Variants in STK26 observed in about 807,000 individuals in gnomAD.
The protein encoded by STK26 is serine/threonine kinase 26.
Under a neutral mutation model 34.7 loss-of-function variants are expected in STK26, and 14 were observed. That is an observed-to-expected ratio of 0.40 (90% CI 0.27 to 0.63). The LOEUF (loss-of-function observed/expected upper bound fraction) is 0.63, where lower values mean the gene tolerates loss of function less well. STK26 is among the 30% of genes least tolerant of loss of function. The pLI, the probability that STK26 is intolerant of heterozygous loss-of-function variation, is 0.38. For synonymous variants in STK26, 100 were observed against 109.8 expected (o/e 0.91, Z 0.56); for missense variants, 226 against 309.1 (o/e 0.73, Z 2.02).
intron 2 of STK26, among the ~76,000 whole-genome samples, chrX:132,025,273 T>C (rs1216274754): frequency 2.7e-5 from 3 of 111,884 alleles, no homozygotes; most frequent in Non-Finnish European, 5.6e-5. Flanking sequence ...TCTCGCTCCA[T>C]TGTGTGCGCG....
chrX:132,026,509 A>G (rs777337722), intron 2 of STK26, among the ~76,000 whole-genome samples: 2 of 111,899 alleles, frequency 1.8e-5, no homozygotes, highest in South Asian at 7.3e-4. Flanking sequence ...TTAAAAAAAA[A>G]CCAATAAACC....
At chrX:132,033,717 T>A (rs1254520504) in intron 2 of STK26, among the ~76,000 whole-genome samples, 1 of 111,804 alleles carries the variant, frequency 8.9e-6, no homozygotes, top group East Asian at 2.8e-4. Flanking sequence ...GCAGCAAAGT[T>A]TGGAAGGCCT....
chrX:132,072,448 G>T, intron 9 of STK26, 87 bp downstream of exon 9: 1 of 768,250 alleles, frequency 1.3e-6, no homozygotes, highest in African/African-American at 2.1e-5. Context: ...TGTTAGGATT[G>T]AATACCCCTA....
chrX:132,043,613 G>A (rs1156893652), intron 2 of STK26, among the ~76,000 whole-genome samples: 3 of 111,483 alleles, frequency 2.7e-5, no homozygotes, highest in East Asian at 5.6e-4. Context: ...TGGTTGAATT[G>A]TGTATTTCTA....
Position 132,069,610 on chromosome X carries a change from A to T in STK26, c.730A>T (p.Thr244Ser). 1 of 1,168,823 alleles carries T rather than the reference A, an allele frequency of 8.6e-7. No homozygotes were observed. Among genetic ancestry groups the T allele is most frequent in the Non-Finnish European group, 1.1e-6 (1 of 875,101 alleles). ...TCCTCCAACTCTTGTTGGAGACTTTACTAAGTCTTTTAAGGAGTTTATTGA... is the reference window on the plus strand; with the variant it reads ...TCCTCCAACTCTTGTTGGAGACTTTTCTAAGTCTTTTAAGGAGTTTATTGA... ...NNPPTLVGDF[T>S]KSFKEFIDAC... Residue 244 changes from threonine to serine, a missense_variant, in exon 7 of 12, where the codon ACT becomes TCT. Around this residue, in one of 2 missense-constraint regions of STK26, gnomAD observed 126 missense variants for 132.4 expected, o/e 0.95. Transcript: ENST00000394334.
At chrX:132,030,210 A>G (rs1413229558) in intron 2 of STK26, among the ~76,000 whole-genome samples, 1 of 111,865 alleles carries the variant, frequency 8.9e-6, no homozygotes, top group East Asian at 2.8e-4. Context: ...TGAAGCTTTC[A>G]TTCTCTTGTC....
intron 3 of STK26, among the ~76,000 whole-genome samples, chrX:132,059,447 A>G (rs1342035960): frequency 1.8e-5 from 2 of 112,278 alleles, no homozygotes; most frequent in Non-Finnish European, 3.8e-5. Context: ...AGCTCACTGT[A>G]TAACTTCATT....
chrX:132,069,722 A>AAGGC, intron 7 of STK26, 59 bp downstream of exon 7: 1 of 817,179 alleles, frequency 1.2e-6, no homozygotes, highest in African/African-American at 2.1e-5. Flanking sequence ...ACTTATAGCA[A>AAGGC]AGGCAGCTTT....
Position 132,023,330 on chromosome X carries a change from C to T in STK26, c.-188C>T, listed in dbSNP as rs1332154754. 2 of 486,528 alleles carry T rather than the reference C, an allele frequency of 4.1e-6. No homozygotes were observed. The highest frequency in any genetic ancestry group is 4.1e-5 in the East Asian group (1 of 24,546). 40.1% of individuals were successfully genotyped at this position (486,528 alleles called of 1,213,427 possible). A position where few individuals can be genotyped will look rare whatever the true frequency, so the allele number is the denominator to read the frequency against. Reference sequence around the variant, plus strand: ...ACTCGAGCCCAGGTCCCAGCCACCACCACTCACAGCGCTCGGCGTTCAGGA... The same window carrying T: ...ACTCGAGCCCAGGTCCCAGCCACCATCACTCACAGCGCTCGGCGTTCAGGA... On this transcript the variant is annotated 5_prime_UTR_variant, in exon 1 of 12. Transcript: ENST00000394334.
chrX:132,053,887 A>G (rs1028400190), intron 2 of STK26, among the ~76,000 whole-genome samples: 5 of 112,320 alleles, frequency 4.5e-5, no homozygotes, highest in East Asian at 2.8e-4. Context: ...TTATAAATCT[A>G]CGTCATGCCT....
At chrX:132,058,243 C>CGTGTGTGTGTATGTGTGTGTGTGT (rs1357271562) in intron 3 of STK26, among the ~76,000 whole-genome samples, 1 of 102,682 alleles carries the variant, frequency 9.7e-6, no homozygotes, top group Non-Finnish European at 1.9e-5. Flanking sequence ...TGTGTGTGTG[C>CGTGTGTGTGTATGTGTGTGTGTGT]GTGTGTGTGT....
At position 132,071,228 on chromosome X, in the gene STK26, A is replaced by G; in HGVS notation, c.932+11A>G. 1 of 1,201,559 alleles carries G rather than the reference A, an allele frequency of 8.3e-7. No homozygotes were observed. The highest frequency in any genetic ancestry group is 1.1e-6 in the Non-Finnish European group (1 of 889,994). ...CGAGGGCTCTGATTCGTATGTACAA[A>G]TTATTTAATTTTTATGTAGGCAGCC... On this transcript the variant is annotated intron_variant, in intron 8 of 11. Coordinates refer to ENST00000394334, the MANE Select transcript of STK26 (RefSeq NM_016542.4).
chrX:132,023,970 G>A (rs1028667489), intron 2 of STK26, among the ~76,000 whole-genome samples: 1 of 110,826 alleles, frequency 9.0e-6, no homozygotes, highest in African/African-American at 3.3e-5. Flanking sequence ...GGTTGGGGAT[G>A]GGGGGGCGGA....
At chrX:132,073,311 A>G (rs1471315634) in intron 11 of STK26, among the ~76,000 whole-genome samples, 1 of 112,265 alleles carries the variant, frequency 8.9e-6, no homozygotes, top group African/African-American at 3.2e-5. Flanking sequence ...GTAGTTTTCC[A>G]CTGCATGAAA....
intron 11 of STK26, among the ~76,000 whole-genome samples, chrX:132,073,684 A>G (rs932484710): frequency 8.9e-6 from 1 of 112,265 alleles, no homozygotes. Flanking sequence ...ATGCACACAT[A>G]TACACTCCTT....
At chrX:132,061,196 G>A (rs1927042419) in intron 3 of STK26, among the ~76,000 whole-genome samples, 1 of 112,132 alleles carries the variant, frequency 8.9e-6, no homozygotes, top group African/African-American at 3.2e-5. Context: ...TAAATGTCAG[G>A]TGAATGGGAA....
At chrX:132,044,810 TATATATATTTATATATATAG>T (rs1926435072) in intron 2 of STK26, among the ~76,000 whole-genome samples, 8 of 52,778 alleles carry the variant, frequency 1.5e-4, no homozygotes, top group African/African-American at 8.7e-5. Flanking sequence ...GAGAGATCTA[TATATATATTTATATATATAG>T]AGAGAGATCT....
At chrX:132,055,577 T>C (rs1926830673) in intron 3 of STK26, 2 of 941,899 alleles carry the variant, frequency 2.1e-6, no homozygotes, top group East Asian at 6.7e-5. Flanking sequence ...GATTCGTGTC[T>C]GTTGAAATGT....
chrX:132,038,206 C>G (rs1006267455), intron 2 of STK26, among the ~76,000 whole-genome samples: 2 of 111,375 alleles, frequency 1.8e-5, no homozygotes, highest in African/African-American at 6.5e-5. Flanking sequence ...AGGGGAAATC[C>G]TTTGCTTTAA....
Sources: allele counts gnomAD v4.1 joint callset (sites outside exome capture counted in the v4.1 genomes callset), GRCh38; gene constraint gnomAD v4.1.1; regional missense constraint gnomAD v4.1.1; transcripts MANE v1.5; gene names NCBI Gene and HGNC (gene_info 2026-07-23, HGNC 2026-07-21).